Variants in FOXO3 observed in about 807,000 individuals in gnomAD.
The protein encoded by FOXO3 is forkhead box O3, also known as forkhead box protein O3.
FOXO3 carries 4 observed loss-of-function variants against 41.9 expected under a neutral mutation model. The observed-to-expected ratio is 0.10, with a 90% CI of 0.05 to 0.22. FOXO3 has a LOEUF of 0.22. Among genes scored for constraint, FOXO3 ranks in the 10% least tolerant of loss-of-function variants. FOXO3 has a pLI of 1.00. For synonymous variants in FOXO3, 318 were observed against 389.3 expected (o/e 0.82, Z 2.16); for missense variants, 534 against 906.8 (o/e 0.59, Z 5.28).
chr6:108,666,502 A>ATT lies in FOXO3; in HGVS notation c.*34+1627_*34+1628dup, dbSNP rs772194341. Among the ~76,000 whole-genome samples, 599 of 141,704 alleles carry ATT rather than the reference A, an allele frequency of 4.2e-3. 3 individuals are homozygous for ATT. The highest frequency in any genetic ancestry group is 0.011 in the Middle Eastern group (3 of 264). 93.0% of individuals were successfully genotyped at this position (141,704 alleles called of 152,430 possible). A position where few individuals can be genotyped will look rare whatever the true frequency, so the allele number is the denominator to read the frequency against. On this transcript the variant is annotated intron_variant, in intron 2 of 2. Transcript: ENST00000406360. ...AGGCGCCCGCCACCACGCCTGGCTA[A>ATT]TTTTTTTTTTTTTTTAATTTTTAGT...
rs748681381 is a variant in FOXO3, at chr6:108,633,295, T to TAG, written c.622-30151_622-30150dup. The stretch of plus-strand genomic sequence containing the variant: ...TGGATAAGAACTTTCACTCGTGCAC[T>TAG]AGAGAGAGAGGGAATGTGGGTATGA... On this transcript the variant is annotated intron_variant, in intron 1 of 2. Coordinates refer to ENST00000406360, the MANE Select transcript of FOXO3 (RefSeq NM_001455.4). 1.1e-4 allele frequency among the ~76,000 whole-genome samples: 16 copies of TAG among 152,060 alleles called. 1 individual carries two copies. The South Asian group carries it at 3.1e-3, about 30-fold the overall frequency.
chr6:108,639,454 A>C, intron 1 of FOXO3: 1 of 634,108 alleles, frequency 1.6e-6, no homozygotes. Flanking sequence ...AATGAAAGAA[A>C]GCCAATAAGA....
chr6:108,595,893 C>T (rs1157301280), intron 1 of FOXO3, among the ~76,000 whole-genome samples: 1 of 152,174 alleles, frequency 6.6e-6, no homozygotes, highest in Non-Finnish European at 1.5e-5. Context: ...CAGAAATGGA[C>T]TTTTTACATT....
chr6:108,604,966 T>C (rs1777152895), intron 1 of FOXO3, among the ~76,000 whole-genome samples: 2 of 152,218 alleles, frequency 1.3e-5, no homozygotes, highest in African/African-American at 4.8e-5. Context: ...ATTTACTTTA[T>C]ACTGTTCCAC....
At chr6:108,605,658 A>G (rs1777179903) in intron 1 of FOXO3, among the ~76,000 whole-genome samples, 1 of 152,206 alleles carries the variant, frequency 6.6e-6, no homozygotes, top group Non-Finnish European at 1.5e-5. Context: ...TTCAGGGATG[A>G]TTAGAATTAT....
chr6:108,615,724 G>A (rs1777481645), intron 1 of FOXO3, among the ~76,000 whole-genome samples: 1 of 151,688 alleles, frequency 6.6e-6, no homozygotes, highest in African/African-American at 2.4e-5. Context: ...AGACAATTTA[G>A]TATTGTCCCC....
chr6:108,571,148 G>T (rs1431838580), intron 1 of FOXO3, among the ~76,000 whole-genome samples: 1 of 152,218 alleles, frequency 6.6e-6, no homozygotes, highest in Non-Finnish European at 1.5e-5. Context: ...CTTCACAGTT[G>T]CTCATGGGTG....
rs1770981365 is a variant in FOXO3, at chr6:108,684,290, T to C, written c.*4498T>C. 1 of 152,602 alleles carries C rather than the reference T, an allele frequency of 6.6e-6. No individual in the cohort carries two copies. Among genetic ancestry groups the C allele is most frequent in the Admixed American group, 6.5e-5 (1 of 15,286 alleles). The allele number at this position is 152,602 out of a possible 1,614,324, so 9.5% of individuals were successfully genotyped here. A position where few individuals can be genotyped will look rare whatever the true frequency, so the allele number is the denominator to read the frequency against. ...AAAAATTAGTTAATATTTAAAAAAA[T>C]GTATTGTGCATTTTGGCTTCACATG... On this transcript the variant is annotated 3_prime_UTR_variant, in exon 3 of 3. Coordinates refer to ENST00000406360, the MANE Select transcript of FOXO3 (RefSeq NM_001455.4).
chr6:108,643,690 T>A (rs1040198350), intron 1 of FOXO3, among the ~76,000 whole-genome samples: 2 of 152,132 alleles, frequency 1.3e-5, no homozygotes, highest in African/African-American at 4.8e-5. Flanking sequence ...GAATGATTGG[T>A]GTGTTTTGCT....
At chr6:108,588,970 G>C (rs1453788832) in intron 1 of FOXO3, among the ~76,000 whole-genome samples, 1 of 152,210 alleles carries the variant, frequency 6.6e-6, no homozygotes, top group African/African-American at 2.4e-5. Context: ...GTATTTATTA[G>C]GTAAGCATGG....
intron 1 of FOXO3, among the ~76,000 whole-genome samples, chr6:108,586,934 A>AAAT (rs1776594488): frequency 8.8e-6 from 1 of 113,616 alleles, no homozygotes; most frequent in Non-Finnish European, 1.8e-5. Flanking sequence ...ACCTGAACGT[A>AAAT]AATATTATTA....
chr6:108,629,672 C>A (rs1777906607), intron 1 of FOXO3, among the ~76,000 whole-genome samples: 1 of 151,796 alleles, frequency 6.6e-6, no homozygotes. Context: ...TTTTTTAACA[C>A]CTTTTTTTTT....
intron 1 of FOXO3, among the ~76,000 whole-genome samples, chr6:108,652,682 AT>A (rs1778579288): frequency 6.6e-6 from 1 of 152,230 alleles, no homozygotes; most frequent in African/African-American, 2.4e-5. Flanking sequence ...ATGAGATCAA[AT>A]TTGTCAAGCA....
At chr6:108,636,034 T>C (rs1778112597) in intron 1 of FOXO3, among the ~76,000 whole-genome samples, 1 of 152,240 alleles carries the variant, frequency 6.6e-6, no homozygotes, top group African/African-American at 2.4e-5. Context: ...GGATTAAGCT[T>C]GTCACTCCTC....
rs1778980737 is a variant in FOXO3, at chr6:108,664,280, G to T, written c.1447G>T (p.Asp483Tyr). 6.2e-7 allele frequency: 1 copy of T among 1,600,946 alleles called. No individual in the cohort carries two copies. The highest frequency in any genetic ancestry group is 8.6e-7 in the Non-Finnish European group (1 of 1,168,990). ...CACTTCGGACTCACTTAGCCACAGC[G>T]ATGTCATGATGACACAGTCGGACCC... is the stretch of plus-strand genomic sequence containing the variant. ...LLTSDSLSHS[D>Y]VMMTQSDPLM... The change falls in exon 2 of 3, where the codon GAT becomes TAT. Residue 483 changes from aspartate (D) to tyrosine (Y), a missense_variant. Physicochemically the swap from Asp to Tyr is radical, Grantham distance 160. Coordinates refer to ENST00000406360, the MANE Select transcript of FOXO3 (RefSeq NM_001455.4).
chr6:108,574,048 G>A (rs1016070446), intron 1 of FOXO3, among the ~76,000 whole-genome samples: 1 of 151,708 alleles, frequency 6.6e-6, no homozygotes, highest in African/African-American at 2.4e-5. Context: ...AGCTACTCTG[G>A]AGGCTGAGGC....
At chr6:108,658,747 C>G (rs1778762904) in intron 1 of FOXO3, among the ~76,000 whole-genome samples, 1 of 152,282 alleles carries the variant, frequency 6.6e-6, no homozygotes, top group Admixed American at 6.5e-5. Flanking sequence ...ATGGTATCCA[C>G]TGTCCTCTTT....
chr6:108,625,695 G>C (rs1777795412), intron 1 of FOXO3, among the ~76,000 whole-genome samples: 1 of 152,190 alleles, frequency 6.6e-6, no homozygotes, highest in African/African-American at 2.4e-5. Context: ...GTGATGTGGA[G>C]TCAGGAGGTC....
chr6:108,561,532 C>T lies in FOXO3; in HGVS notation c.324C>T (p.Pro108=). 2 of 1,436,060 alleles carry T rather than the reference C, an allele frequency of 1.4e-6. No individual in the cohort carries two copies. Among genetic ancestry groups the T allele is most frequent in the Non-Finnish European group, 1.8e-6 (2 of 1,103,256 alleles). 89.0% of individuals were successfully genotyped at this position (1,436,060 alleles called of 1,614,324 possible). A position where few individuals can be genotyped will look rare whatever the true frequency, so the allele number is the denominator to read the frequency against. ...ARVLAPGGQD[P]GSGPATAAGG... ...TGCTGGCACCCGGAGGGCAAGACCCCGGGTCTGGGCCAGCCACCGCGGCGG... is the reference window on the plus strand; with the variant it reads ...TGCTGGCACCCGGAGGGCAAGACCCTGGGTCTGGGCCAGCCACCGCGGCGG... Residue 108 remains proline, a synonymous_variant, in exon 1 of 3, where the codon CCC becomes CCT. Transcript: ENST00000406360.
Sources: allele counts gnomAD v4.1 joint callset (sites outside exome capture counted in the v4.1 genomes callset), GRCh38; gene constraint gnomAD v4.1.1; transcripts MANE v1.5; gene names NCBI Gene and HGNC (gene_info 2026-07-23, HGNC 2026-07-21).